ZNF341: variants seen among roughly 807,000 people sequenced by gnomAD.
The protein encoded by ZNF341 is zinc finger protein 341.
In ZNF341, 52 loss-of-function variants were observed where a neutral mutation model predicts 87.7. The ratio of observed to expected loss-of-function variants is 0.59; its 90% CI spans 0.47 to 0.75. The LOEUF is 0.75. Among genes scored for constraint, ZNF341 ranks in the 30% least tolerant of loss-of-function variants. The pLI is 0.00. For synonymous variants in ZNF341, 459 were observed against 472.7 expected, an observed-to-expected ratio of 0.97 and a Z score of 0.38; for missense variants, 977 against 1,145.9, an observed-to-expected ratio of 0.85 and a Z score of 2.13.
At position 33,757,211 on chromosome 20, in the gene ZNF341, CAG is replaced by C. The variant is rs1201824349; in HGVS notation, c.806_807del (p.Gln269ArgfsTer25). The C allele has an allele frequency of 5.6e-6, 9 of 1,600,804 alleles. No homozygotes were observed. Among genetic ancestry groups the C allele is most frequent in the East Asian group, 2.3e-5 (1 of 43,280 alleles). On this transcript the variant is annotated frameshift_variant, in exon 6 of 15. Transcript: ENST00000375200. LOFTEE classifies it high-confidence loss of function. ...PTPTVYSPGK[Q>X]GFKPKGPNPA... ...CCCCACAGTGTACAGCCCTGGCAAA[CAG>C]GGATTCAAACCCAAAGGACCAAACC...
chr20:33,760,436 G>A (rs367774317), intron 7 of ZNF341, among the ~76,000 whole-genome samples: 2 of 152,110 alleles, frequency 1.3e-5, no homozygotes, highest in African/African-American at 4.8e-5. Context: ...TCAAACTGGC[G>A]CTGTCCAATA....
At chr20:33,754,588 A>G (rs2019135384) in intron 5 of ZNF341, among the ~76,000 whole-genome samples, 2 of 152,188 alleles carry the variant, frequency 1.3e-5, no homozygotes, top group Non-Finnish European at 2.9e-5. Context: ...AATTTATTGC[A>G]TTGAGAAAAA....
intron 5 of ZNF341, among the ~76,000 whole-genome samples, chr20:33,756,227 C>T (rs1271633485): frequency 1.3e-5 from 2 of 152,024 alleles, no homozygotes; most frequent in South Asian, 2.1e-4. Context: ...ATCTGAATGC[C>T]TCAGAATTCA....
At chr20:33,769,172 A>G (rs76511587) in intron 9 of ZNF341, among the ~76,000 whole-genome samples, 142 of 152,262 alleles carry the variant, frequency 9.3e-4, no homozygotes, top group African/African-American at 3.3e-3. Context: ...GTCCTAGTCA[A>G]TGGAAAGTAG....
At chr20:33,783,205 T>C (rs981611540) in intron 11 of ZNF341, among the ~76,000 whole-genome samples, 2 of 151,212 alleles carry the variant, frequency 1.3e-5, no homozygotes, top group Non-Finnish European at 2.9e-5. Context: ...TTTCCATAGA[T>C]TTCTTTAGTA....
chr20:33,783,313 G>A (rs1453462909), intron 11 of ZNF341, among the ~76,000 whole-genome samples: 1 of 152,144 alleles, frequency 6.6e-6, no homozygotes, highest in East Asian at 1.9e-4. Flanking sequence ...TGGAGCTCCT[G>A]TGTAAGCAAA....
intron 5 of ZNF341, among the ~76,000 whole-genome samples, chr20:33,756,611 G>T (rs767585620): frequency 6.6e-6 from 1 of 152,056 alleles, no homozygotes; most frequent in Non-Finnish European, 1.5e-5. Context: ...TAGGTGATCT[G>T]CCCACCTTGG....
chr20:33,734,330 G>C (rs1318235158), intron 1 of ZNF341, among the ~76,000 whole-genome samples: 1 of 152,236 alleles, frequency 6.6e-6, no homozygotes, highest in Non-Finnish European at 1.5e-5. Context: ...GTTTTCAGCA[G>C]GGGAGCAGCA....
At chr20:33,754,827 C>T (rs2122668691) in intron 5 of ZNF341, among the ~76,000 whole-genome samples, 1 of 152,308 alleles carries the variant, frequency 6.6e-6, no homozygotes, top group South Asian at 2.1e-4. Flanking sequence ...CTGCGCTCCT[C>T]TAAAATGGGA....
intron 12 of ZNF341, among the ~76,000 whole-genome samples, chr20:33,786,175 T>G (rs12329637): frequency 0.018 from 2,785 of 152,146 alleles, 93 homozygotes; most frequent in African/African-American, 0.062. Context: ...AGCTAATTTT[T>G]GTATTTTTAG....
chr20:33,777,550 C>T (rs2019654233), intron 10 of ZNF341, among the ~76,000 whole-genome samples: 1 of 151,132 alleles, frequency 6.6e-6, no homozygotes, highest in Admixed American at 6.6e-5. Flanking sequence ...AGGAGAATCC[C>T]TTGAACCTGG....
In ZNF341 at chr20:33,789,460, C is replaced by A. The variant is rs376608534; in HGVS notation, c.1965-58C>A. On this transcript the variant is annotated intron_variant, in intron 13 of 14. Transcript: ENST00000375200. ...CTTGTGCCCAGGGCTAGTGGAGGGG[C>A]CAGCAAGAGGATCCTAAGCTTGGTG... The A allele has an allele frequency of 4.1e-5, 65 of 1,576,450 alleles. No individual in the cohort carries two copies. The African/African-American group carries it at 7.8e-4, about 19-fold the overall frequency.
At position 33,789,605 on chromosome 20, in the gene ZNF341, C is replaced by A. The variant is rs1298571218; in HGVS notation, c.2035+17C>A. The A allele has an allele frequency of 1.9e-6, 3 of 1,613,708 alleles. No individual in the cohort carries two copies. Among genetic ancestry groups the A allele is most frequent in the Non-Finnish European group, 2.5e-6 (3 of 1,179,700 alleles). On this transcript the variant is annotated intron_variant, in intron 14 of 14. Coordinates refer to ENST00000375200, the MANE Select transcript of ZNF341 (RefSeq NM_001282933.2). Reference sequence around the variant, plus strand: ...CCCACTCTGGTAAGTGGCTCTTGGGCCTGCTAAGAGGGTCTGGTTCAGCTC... The same window carrying A: ...CCCACTCTGGTAAGTGGCTCTTGGGACTGCTAAGAGGGTCTGGTTCAGCTC...
At chr20:33,744,986 G>A in intron 2 of ZNF341, 117 bp from the exon 3 acceptor site, 1 of 877,280 alleles carries the variant, frequency 1.1e-6, no homozygotes, top group Non-Finnish European at 1.8e-6. Context: ...GCTGCTTGTG[G>A]TCAGCTGCAG....
intron 1 of ZNF341, among the ~76,000 whole-genome samples, chr20:33,733,990 C>T (rs1370604140): frequency 1.3e-5 from 2 of 152,218 alleles, no homozygotes; most frequent in East Asian, 3.8e-4. Flanking sequence ...TGGGGTGAGG[C>T]TTACTTTCTC....
chr20:33,791,594 A>G lies in ZNF341; in HGVS notation c.*77A>G. On this transcript the variant is annotated 3_prime_UTR_variant, in exon 15 of 15. Coordinates refer to ENST00000375200, the MANE Select transcript of ZNF341 (RefSeq NM_001282933.2). ...CAGGGCCCCTGGGGGCAGACCGGTGATCCTTACCAGTGGAAGCGAGCCATC... is the reference window on the plus strand; with the variant it reads ...CAGGGCCCCTGGGGGCAGACCGGTGGTCCTTACCAGTGGAAGCGAGCCATC... The G allele has an allele frequency of 7.1e-7, 1 of 1,415,032 alleles. No individual in the cohort carries two copies. The highest frequency in any genetic ancestry group is 9.3e-7 in the Non-Finnish European group (1 of 1,077,364). 87.7% of individuals were successfully genotyped at this position (1,415,032 alleles called of 1,614,324 possible). A position where few individuals can be genotyped will look rare whatever the true frequency, so the allele number is the denominator to read the frequency against.
rs1290241255 is a variant in ZNF341 at position 33,791,227 on chromosome 20, G to C, written c.2275G>C (p.Gly759Arg). 4 of 1,611,990 alleles carry C rather than the reference G, an allele frequency of 2.5e-6. No individual in the cohort carries two copies. The highest frequency in any genetic ancestry group is 2.5e-6 in the Non-Finnish European group (3 of 1,179,518). The change falls in exon 15 of 15, where the codon GGT (glycine) becomes CGT (arginine). Residue 759 changes from glycine to arginine, a missense_variant. Transcript: ENST00000375200. ...RRAAPRSCGS[G>R]GRKVLTPLPD... ...GGCAGCCCCCCGCAGTTGCGGCAGT[G>C]GTGGGCGCAAGGTGCTGACCCCCTT...
At chr20:33,752,108 G>GCA in intron 4 of ZNF341, 3 of 344,460 alleles carry the variant, frequency 8.7e-6, no homozygotes, top group South Asian at 2.3e-5. Context: ...CTGCAAGCAA[G>GCA]CCCCCCCCCC....
rs538007906 is a variant in ZNF341 at position 33,771,077 on chromosome 20, G to A, written c.1622+785G>A. Among the ~76,000 whole-genome samples the A allele has an allele frequency of 1.4e-3, 220 of 152,008 alleles. 3 individuals are homozygous for A. Among genetic ancestry groups the A allele is most frequent in the Non-Finnish European group, 1.2e-3 (82 of 67,994 alleles). On this transcript the variant is annotated intron_variant, in intron 10 of 14. Transcript: ENST00000375200. ...GCAGAGCTTGCAGTGAGCTGAGACC[G>A]TGTCACTGCACTCCAGCCTGGGCGA...
Sources: allele counts gnomAD v4.1 joint callset (sites outside exome capture counted in the v4.1 genomes callset), GRCh38; gene constraint gnomAD v4.1.1; transcripts MANE v1.5; gene names NCBI Gene and HGNC (gene_info 2026-07-23, HGNC 2026-07-21).